SAMD12: variants seen among roughly 807,000 people sequenced by gnomAD.
The protein encoded by SAMD12 is sterile alpha motif domain-containing protein 12.
Under a neutral mutation model 15.0 loss-of-function variants are expected in SAMD12, and 9 were observed. The observed-to-expected ratio is 0.60, with a 90% CI of 0.36 to 1.05. The LOEUF is 1.05. Ranked by LOEUF, SAMD12 falls within the 50% of genes least tolerant of loss-of-function variation. The pLI, the probability that SAMD12 is intolerant of heterozygous loss-of-function variation, is 0.01. For missense variants in SAMD12, 230 were observed against 234.2 expected (o/e 0.98, Z 0.12); for synonymous variants, 86 against 90.1 (o/e 0.96, Z 0.25).
At chr8:118,581,024 A>G (rs1202004210) in intron 1 of SAMD12, 131 bp from the exon 2 acceptor site, 6 of 615,474 alleles carry the variant, frequency 9.7e-6, no homozygotes, top group African/African-American at 7.4e-5. Flanking sequence ...TGTGATTACT[A>G]CGATAAATAA....
rs1813595088 is a variant in SAMD12 at position 118,280,484 on chromosome 8, GAAATATGGC to G, written c.434-82761_434-82753del. Reference sequence around the variant, plus strand: ...CCTCCAGGGAGACTCTGTATTAATAGAAATATGGCGAAGGTGGCCTGAATGTTGCTGATA... The same window carrying G: ...CCTCCAGGGAGACTCTGTATTAATAGGAAGGTGGCCTGAATGTTGCTGATA... On this transcript the variant is annotated intron_variant, in intron 4 of 4. Coordinates refer to the SAMD12 transcript ENST00000409003. Among the ~76,000 whole-genome samples the G allele has an allele frequency of 5.3e-5, 8 of 152,216 alleles. No homozygotes were observed. In the South Asian group the frequency reaches 1.7e-3, roughly 32 times the overall value.
intron 2 of SAMD12, among the ~76,000 whole-genome samples, chr8:118,538,702 A>C (rs1825912405): frequency 6.6e-6 from 1 of 152,180 alleles, no homozygotes; most frequent in Non-Finnish European, 1.5e-5. Context: ...TCAGTGATAT[A>C]AAGTCAAAAC....
intron 2 of SAMD12, among the ~76,000 whole-genome samples, chr8:118,447,787 G>A (rs186233483): frequency 1.5e-3 from 226 of 150,236 alleles, no homozygotes; most frequent in African/African-American, 5.2e-3. Context: ...GTGCAGTGGC[G>A]CCATCTCGGC....
intron 4 of SAMD12, among the ~76,000 whole-genome samples, chr8:118,362,215 G>C (rs1818536635): frequency 6.6e-6 from 1 of 152,070 alleles, no homozygotes; most frequent in South Asian, 2.1e-4. Flanking sequence ...AAGAAAATTA[G>C]AGACCATTTA....
chr8:118,291,300 GA>G (rs1291443118), intron 4 of SAMD12: 4 of 152,220 alleles, frequency 2.6e-5, no homozygotes, highest in African/African-American at 4.8e-5. Flanking sequence ...GCCTGCAGGA[GA>G]GGGAGAACTG....
intron 2 of SAMD12, among the ~76,000 whole-genome samples, chr8:118,444,261 T>A (rs1822839408): frequency 6.6e-6 from 1 of 152,250 alleles, no homozygotes; most frequent in East Asian, 1.9e-4. Context: ...TGTTCATGTC[T>A]ACCACATCAT....
chr8:118,326,026 T>C (rs1231040831), intron 4 of SAMD12, among the ~76,000 whole-genome samples: 1 of 152,170 alleles, frequency 6.6e-6, no homozygotes, highest in Non-Finnish European at 1.5e-5. Flanking sequence ...CGGAAGCCCA[T>C]GGATTCAGCT....
At chr8:118,244,793 C>T (rs560127144) in intron 4 of SAMD12, among the ~76,000 whole-genome samples, 1 of 151,666 alleles carries the variant, frequency 6.6e-6, no homozygotes, top group Non-Finnish European at 1.5e-5. Context: ...GAAAGTAGAG[C>T]GAAAACTAGG....
intron 2 of SAMD12, among the ~76,000 whole-genome samples, chr8:118,566,568 G>A (rs983483113): frequency 1.3e-5 from 2 of 152,070 alleles, no homozygotes; most frequent in African/African-American, 2.4e-5. Context: ...GCATATAAAA[G>A]CCACTCTCAC....
chr8:118,391,288 T>A (rs1448459064), intron 3 of SAMD12, among the ~76,000 whole-genome samples: 8 of 152,234 alleles, frequency 5.3e-5, no homozygotes, highest in Admixed American at 6.5e-5. Context: ...AGATTTATGA[T>A]AAAATAAACA....
intron 4 of SAMD12, among the ~76,000 whole-genome samples, chr8:118,290,658 G>A (rs144735716): frequency 6.6e-6 from 1 of 152,254 alleles, no homozygotes; most frequent in East Asian, 1.9e-4. Context: ...CAGGGATCAT[G>A]TTTCTACTTA....
intron 3 of SAMD12, among the ~76,000 whole-genome samples, chr8:118,406,742 A>C (rs1252720218): frequency 6.6e-6 from 1 of 152,132 alleles, no homozygotes; most frequent in Non-Finnish European, 1.5e-5. Context: ...TTTAAGTTGG[A>C]TTACACTAGG....
At chr8:118,181,120 C>A in the SAMD12 span, among the ~76,000 whole-genome samples, 1 of 152,030 alleles carries the variant, frequency 6.6e-6, no homozygotes. Flanking sequence ...CAACCTTGAT[C>A]AAGAAATTCT....
intron 4 of SAMD12, among the ~76,000 whole-genome samples, chr8:118,257,305 TA>T (rs964803735): frequency 6.6e-6 from 1 of 152,000 alleles, no homozygotes; most frequent in Admixed American, 6.6e-5. Context: ...GTCACCATAA[TA>T]AAAAAAGAAC....
chr8:118,613,616 C>T (rs1342600411), intron 1 of SAMD12, among the ~76,000 whole-genome samples: 1 of 152,090 alleles, frequency 6.6e-6, no homozygotes, highest in Non-Finnish European at 1.5e-5. Flanking sequence ...CTCTTTAATG[C>T]CTATCAAGTC....
At chr8:118,495,554 C>CTTTTT (rs10671753) in intron 2 of SAMD12, among the ~76,000 whole-genome samples, 27 of 145,168 alleles carry the variant, frequency 1.9e-4, no homozygotes, top group African/African-American at 6.1e-4. Context: ...TTCATGTAGG[C>CTTTTT]TTTTTTTTTT....
intron 2 of SAMD12, among the ~76,000 whole-genome samples, chr8:118,507,868 G>C (rs1474175533): frequency 6.6e-6 from 1 of 152,072 alleles, no homozygotes; most frequent in Non-Finnish European, 1.5e-5. Context: ...GTACACACAG[G>C]GCTCCTGGAA....
chr8:118,298,797 T>C (rs1046677097), intron 4 of SAMD12, among the ~76,000 whole-genome samples: 3 of 152,150 alleles, frequency 2.0e-5, no homozygotes, highest in African/African-American at 7.2e-5. Flanking sequence ...AATATTAATA[T>C]ATTTAAAAGA....
intron 2 of SAMD12, among the ~76,000 whole-genome samples, chr8:118,540,582 G>A (rs755617640): frequency 8.5e-5 from 13 of 152,050 alleles, no homozygotes; most frequent in East Asian, 1.9e-4. Flanking sequence ...CACAGGCTGC[G>A]TCTTTTACAG....
Sources: allele counts gnomAD v4.1 joint callset (sites outside exome capture counted in the v4.1 genomes callset), GRCh38; gene constraint gnomAD v4.1.1; transcripts MANE v1.5; gene names NCBI Gene and HGNC (gene_info 2026-07-23, HGNC 2026-07-21).